PABPC4L: variants seen among roughly 807,000 people sequenced by gnomAD.
The protein encoded by PABPC4L is polyadenylate-binding protein 4-like.
For missense variants in PABPC4L, 452 were observed against 451.4 expected (o/e 1.00, Z -0.01); for synonymous variants, 169 against 164.1 (o/e 1.03, Z -0.23).
chr4:134,074,800 TA>T, the PABPC4L span, among the ~76,000 whole-genome samples: 6 of 152,034 alleles, frequency 3.9e-5, no homozygotes, highest in Admixed American at 3.9e-4. Context: ...AAGTCCCTCA[TA>T]AAACTACCAG....
the PABPC4L span, among the ~76,000 whole-genome samples, chr4:134,094,523 T>A: frequency 6.6e-6 from 1 of 151,960 alleles, no homozygotes; most frequent in Non-Finnish European, 1.5e-5. Flanking sequence ...AGTTATGGTT[T>A]AAAATTAGTT....
At chr4:134,009,997 C>T in the PABPC4L span, among the ~76,000 whole-genome samples, 201 of 151,862 alleles carry the variant, frequency 1.3e-3, 1 homozygote, top group South Asian at 4.0e-3. Flanking sequence ...CAGCTAATGA[C>T]GGTATAAAGA....
the PABPC4L span, among the ~76,000 whole-genome samples, chr4:134,074,125 G>T: frequency 6.6e-6 from 1 of 152,138 alleles, no homozygotes; most frequent in African/African-American, 2.4e-5. Flanking sequence ...CTATTGCATT[G>T]TCAGGATGCA....
the PABPC4L span, among the ~76,000 whole-genome samples, chr4:134,092,758 T>A: frequency 5.3e-5 from 8 of 152,054 alleles, no homozygotes; most frequent in Admixed American, 2.0e-4. Flanking sequence ...GGGTTTGAAC[T>A]CAGTGGTGAG....
At chr4:134,118,226 C>G in the PABPC4L span, among the ~76,000 whole-genome samples, 3 of 151,762 alleles carry the variant, frequency 2.0e-5, no homozygotes, top group Non-Finnish European at 4.4e-5. Flanking sequence ...AAATGCCAGA[C>G]CTTACAGAGT....
chr4:134,025,492 G>A, the PABPC4L span, among the ~76,000 whole-genome samples: 2 of 151,994 alleles, frequency 1.3e-5, no homozygotes, highest in Non-Finnish European at 2.9e-5. Flanking sequence ...CTGTGTATAA[G>A]TGCCAGTGAA....
chr4:134,178,853 A>G, the PABPC4L span, among the ~76,000 whole-genome samples: 1 of 152,152 alleles, frequency 6.6e-6, no homozygotes, highest in Non-Finnish European at 1.5e-5. Context: ...TGAAGAAAAA[A>G]CAATAAAGAC....
the PABPC4L span, among the ~76,000 whole-genome samples, chr4:134,179,267 A>T: frequency 2.0e-5 from 3 of 152,154 alleles, no homozygotes; most frequent in Non-Finnish European, 4.4e-5. Context: ...AAGAAAAAAA[A>T]ATTTCAACCA....
the PABPC4L span, among the ~76,000 whole-genome samples, chr4:134,145,151 A>T: frequency 6.6e-6 from 1 of 151,792 alleles, no homozygotes; most frequent in Non-Finnish European, 1.5e-5. Context: ...AAATAATACT[A>T]CACTCTGGTG....
At chr4:134,120,752 T>C in the PABPC4L span, among the ~76,000 whole-genome samples, 3 of 151,612 alleles carry the variant, frequency 2.0e-5, no homozygotes, top group African/African-American at 7.2e-5. Context: ...TTTAGGACAC[T>C]GAATATTTCT....
chr4:133,960,981 C>A, the PABPC4L span, among the ~76,000 whole-genome samples: 2 of 152,110 alleles, frequency 1.3e-5, no homozygotes, highest in Non-Finnish European at 2.9e-5. Context: ...CCTATCCATC[C>A]TGGTAACTGA....
downstream of PABPC4L, among the ~76,000 whole-genome samples, chr4:134,191,952 C>T (rs1223853933): frequency 3.3e-5 from 5 of 151,484 alleles, no homozygotes; most frequent in Admixed American, 2.6e-4. Flanking sequence ...TGAATGAAGC[C>T]AAAACTTGGT....
chr4:134,036,325 C>T, the PABPC4L span, among the ~76,000 whole-genome samples: 2 of 152,058 alleles, frequency 1.3e-5, no homozygotes, highest in African/African-American at 4.8e-5. Context: ...TTTAACTGCA[C>T]AGATAAAGCA....
chr4:134,020,145 GA>G, the PABPC4L span, among the ~76,000 whole-genome samples: 1 of 152,088 alleles, frequency 6.6e-6, no homozygotes, highest in Non-Finnish European at 1.5e-5. Flanking sequence ...TCTCATGCAA[GA>G]AAGAATTCAG....
the PABPC4L span, among the ~76,000 whole-genome samples, chr4:134,040,320 C>T: frequency 6.6e-6 from 1 of 151,964 alleles, no homozygotes; most frequent in African/African-American, 2.4e-5. Flanking sequence ...TACTTGACTT[C>T]AAACTATACT....
the PABPC4L span, among the ~76,000 whole-genome samples, chr4:134,129,263 T>C: frequency 1.3e-5 from 2 of 152,006 alleles, no homozygotes; most frequent in African/African-American, 4.8e-5. Flanking sequence ...TCTGGACAGG[T>C]CATCAAGACA....
the PABPC4L span, among the ~76,000 whole-genome samples, chr4:134,177,181 C>CTT: frequency 1.9e-5 from 2 of 103,152 alleles, no homozygotes; most frequent in African/African-American, 8.1e-5. Context: ...TTTTTCTTTT[C>CTT]TTTTCTTTTT....
the PABPC4L span, among the ~76,000 whole-genome samples, chr4:134,055,477 A>G: frequency 6.6e-6 from 1 of 151,936 alleles, no homozygotes; most frequent in Non-Finnish European, 1.5e-5. Flanking sequence ...AACAACTCTT[A>G]AGGGCACCTA....
the PABPC4L span, among the ~76,000 whole-genome samples, chr4:134,171,603 G>C: frequency 6.6e-6 from 1 of 152,074 alleles, no homozygotes; most frequent in Non-Finnish European, 1.5e-5. Flanking sequence ...CCCCTTAGAA[G>C]TAAAACAAGA....
Sources: gnomAD v4.1 joint callset for allele counts (sites outside exome capture counted in the v4.1 genomes callset) on GRCh38, gnomAD v4.1.1 for gene constraint, MANE v1.5 for transcripts, NCBI Gene and HGNC (gene_info 2026-07-23, HGNC 2026-07-21) for gene names.